Variants in DRC9 observed in about 807,000 individuals in gnomAD.
DRC9 encodes dynein regulatory complex protein 9.
chr3:197,950,147 G>A, the DRC9 span: 1 of 1,231,688 alleles, frequency 8.1e-7, no homozygotes, highest in African/African-American at 1.6e-5. Flanking sequence ...GGGCGGAGTC[G>A]AAAGATGTTT....
chr3:197,939,401 T>C, the DRC9 span, among the ~76,000 whole-genome samples: 1 of 152,364 alleles, frequency 6.6e-6, no homozygotes, highest in South Asian at 2.1e-4. Flanking sequence ...AATAATTTTT[T>C]TCAGAACCAA....
chr3:197,926,014 T>G, the DRC9 span: 2 of 1,461,292 alleles, frequency 1.4e-6, no homozygotes, highest in Non-Finnish European at 9.6e-7. Flanking sequence ...GTTAAGCAGG[T>G]AATTCTTACC....
At chr3:197,938,054 G>A in the DRC9 span, among the ~76,000 whole-genome samples, 1 of 151,952 alleles carries the variant, frequency 6.6e-6, no homozygotes. Context: ...GGTGGCTCAC[G>A]CCTGTAATCC....
chr3:197,937,469 C>CT, the DRC9 span, among the ~76,000 whole-genome samples: 169 of 145,484 alleles, frequency 1.2e-3, no homozygotes, highest in Admixed American at 2.2e-3. Context: ...TTTCTTTTCT[C>CT]TTTTTTTTTT....
the DRC9 span, chr3:197,949,722 G>A: frequency 4.1e-6 from 1 of 245,502 alleles, no homozygotes; most frequent in Non-Finnish European, 7.7e-6. Context: ...AGGTCCTGCT[G>A]CCTTCGTGCT....
chr3:197,953,199 T>TC, the DRC9 span, among the ~76,000 whole-genome samples: 1 of 152,212 alleles, frequency 6.6e-6, no homozygotes, highest in Non-Finnish European at 1.5e-5. Flanking sequence ...CACCTTTTCT[T>TC]CTACAGCCAA....
chr3:197,955,908 G>A, the DRC9 span: 1 of 759,904 alleles, frequency 1.3e-6, no homozygotes, highest in South Asian at 1.4e-5. Flanking sequence ...GGAGTACAAG[G>A]GGGTCAGAGA....
chr3:197,914,323 G>C, the DRC9 span, among the ~76,000 whole-genome samples: 3 of 152,142 alleles, frequency 2.0e-5, no homozygotes, highest in African/African-American at 7.2e-5. Flanking sequence ...TCTCATTTTG[G>C]TAGGAAGAAC....
chr3:197,908,644 G>T, the DRC9 span, among the ~76,000 whole-genome samples: 1 of 146,030 alleles, frequency 6.8e-6, no homozygotes, highest in African/African-American at 2.6e-5. Flanking sequence ...GACTGTACCA[G>T]GTCTGAAGAG....
chr3:197,954,175 G>T, the DRC9 span: 1 of 1,612,946 alleles, frequency 6.2e-7, no homozygotes. Flanking sequence ...CAAAATGGAC[G>T]TCTGATGAAT....
At chr3:197,891,595 G>A in the DRC9 span, 1 of 1,045,380 alleles carries the variant, frequency 9.6e-7, no homozygotes, top group Non-Finnish European at 1.5e-6. Context: ...TCTTGGCTAA[G>A]CTGTAGCCCA....
the DRC9 span, among the ~76,000 whole-genome samples, chr3:197,917,500 T>C: frequency 6.6e-6 from 1 of 152,226 alleles, no homozygotes; most frequent in Non-Finnish European, 1.5e-5. Flanking sequence ...AAATATGTCT[T>C]AATATTTCAT....
chr3:197,899,429 A>G, the DRC9 span, among the ~76,000 whole-genome samples: 1 of 152,204 alleles, frequency 6.6e-6, no homozygotes, highest in Non-Finnish European at 1.5e-5. Flanking sequence ...ATAAACACAA[A>G]GTAAAAGTCT....
At chr3:197,955,746 G>A in the DRC9 span, 2 of 1,602,298 alleles carry the variant, frequency 1.2e-6, no homozygotes, top group Non-Finnish European at 1.7e-6. Flanking sequence ...TTTTTTCCCT[G>A]CAGATGCTGT....
At chr3:197,955,860 C>G in the DRC9 span, 1 of 1,114,188 alleles carries the variant, frequency 9.0e-7, no homozygotes. Flanking sequence ...AATTGATTTG[C>G]TACATGCTTA....
chr3:197,958,625 C>G, the DRC9 span: 1 of 152,104 alleles, frequency 6.6e-6, no homozygotes, highest in Non-Finnish European at 1.5e-5. Flanking sequence ...AACAGACACA[C>G]GGTAAGTGGT....
chr3:197,938,169 T>C, the DRC9 span, among the ~76,000 whole-genome samples: 1 of 151,492 alleles, frequency 6.6e-6, no homozygotes, highest in Non-Finnish European at 1.5e-5. Context: ...ATACAAAAAT[T>C]AGCCGGGCAT....
the DRC9 span, chr3:197,956,336 C>T: frequency 6.9e-5 from 11 of 158,520 alleles, no homozygotes; most frequent in Admixed American, 5.4e-4. Context: ...TGGGCTTTGG[C>T]AGTTCATTTG....
chr3:197,904,035 C>CAT, the DRC9 span, among the ~76,000 whole-genome samples: 89 of 72,138 alleles, frequency 1.2e-3, no homozygotes, highest in Non-Finnish European at 1.7e-3. Flanking sequence ...TATATATATA[C>CAT]ATACATATAT....
Sources: gnomAD v4.1 joint callset for allele counts (sites outside exome capture counted in the v4.1 genomes callset) on GRCh38, gnomAD v4.1.1 for gene constraint, MANE v1.5 for transcripts, NCBI Gene and HGNC (gene_info 2026-07-23, HGNC 2026-07-21) for gene names.